GPC3: variants seen among roughly 807,000 people sequenced by gnomAD.
GPC3 encodes the protein glypican-3.
Under a neutral mutation model 34.4 loss-of-function variants are expected in GPC3, and 3 were observed. The observed-to-expected ratio is 0.09, with a 90% CI of 0.04 to 0.23. The LOEUF (loss-of-function observed/expected upper bound fraction) is 0.23. Ranked by LOEUF, GPC3 falls within the 10% of genes least tolerant of loss-of-function variation. The pLI is 1.00. For synonymous variants in GPC3, 177 were observed against 174.0 expected (o/e 1.02, Z -0.13); for missense variants, 351 against 445.6 (o/e 0.79, Z 1.91).
chrX:133,606,330 A>G lies in GPC3; in HGVS notation c.1414-9731T>C, dbSNP rs998758286. Among the ~76,000 whole-genome samples, 45 of 112,577 alleles carry G rather than the reference A, an allele frequency of 4.0e-4. 1 individual carries two copies. The highest frequency in any genetic ancestry group is 1.5e-3 in the African/African-American group (45 of 31,022). ...ATTCTTTTCCAAGAGGAGGCATAGC[A>G]TGGTGGTTAAAGGTTCATACTCTGG... On this transcript the variant is annotated intron_variant, in intron 6 of 7. Transcript: ENST00000370818.
At chrX:133,894,177 C>G (rs982748725) in intron 2 of GPC3, among the ~76,000 whole-genome samples, 1 of 111,770 alleles carries the variant, frequency 8.9e-6, no homozygotes, top group East Asian at 2.8e-4. Flanking sequence ...TTTTACAATG[C>G]AAGTTCATGT....
chrX:133,673,552 G>A (rs758606463), intron 5 of GPC3, among the ~76,000 whole-genome samples: 7 of 112,205 alleles, frequency 6.2e-5, no homozygotes, highest in Non-Finnish European at 9.4e-5. Context: ...GATTAAGTTC[G>A]GTTTGGCAGT....
At chrX:133,760,241 A>G (rs1296284177) in intron 2 of GPC3, among the ~76,000 whole-genome samples, 1 of 112,017 alleles carries the variant, frequency 8.9e-6, no homozygotes, top group African/African-American at 3.2e-5. Context: ...AGTTTCTTAC[A>G]AAAGTAAACA....
chrX:133,853,440 A>G (rs2075885039), intron 2 of GPC3, among the ~76,000 whole-genome samples: 1 of 111,967 alleles, frequency 8.9e-6, no homozygotes, highest in Non-Finnish European at 1.9e-5. Context: ...AGCCTTACTT[A>G]TGGCAAAACC....
intron 2 of GPC3, among the ~76,000 whole-genome samples, chrX:133,849,833 T>A (rs1224811548): frequency 9.0e-6 from 1 of 111,546 alleles, no homozygotes; most frequent in Non-Finnish European, 1.9e-5. Context: ...CTCCTTCCTA[T>A]CAGACAAGAA....
intron 1 of GPC3, among the ~76,000 whole-genome samples, chrX:133,958,334 A>G: frequency 9.0e-6 from 1 of 111,087 alleles, no homozygotes; most frequent in South Asian, 3.9e-4. Flanking sequence ...TGAGCCCAGG[A>G]GTTTGAGACC....
At chrX:133,889,655 T>C (rs2124588829) in intron 2 of GPC3, among the ~76,000 whole-genome samples, 1 of 108,891 alleles carries the variant, frequency 9.2e-6, no homozygotes. Context: ...ACACAATACA[T>C]ATATACTAAA....
At chrX:133,967,910 G>A (rs1458448901) in intron 1 of GPC3, among the ~76,000 whole-genome samples, 1 of 112,624 alleles carries the variant, frequency 8.9e-6, no homozygotes, top group Non-Finnish European at 1.9e-5. Flanking sequence ...TGGGTGGCAT[G>A]AGCCACCGTG....
intron 6 of GPC3, among the ~76,000 whole-genome samples, chrX:133,637,551 A>T (rs1378868159): frequency 1.8e-5 from 2 of 112,390 alleles, no homozygotes; most frequent in Non-Finnish European, 3.8e-5. Context: ...CTATAAAGTC[A>T]TTCATGGGGA....
At chrX:133,664,679 C>T (rs998170652) in intron 5 of GPC3, among the ~76,000 whole-genome samples, 1 of 111,068 alleles carries the variant, frequency 9.0e-6, no homozygotes, top group African/African-American at 3.3e-5. Flanking sequence ...GGGAAAGGAA[C>T]ACTTTTTGTA....
intron 2 of GPC3, among the ~76,000 whole-genome samples, chrX:133,847,573 G>A (rs1161632696): frequency 4.5e-5 from 5 of 112,115 alleles, no homozygotes; most frequent in Non-Finnish European, 7.5e-5. Context: ...CCAGCTCAGG[G>A]CTTTCAGATT....
At chrX:133,889,575 C>G (rs1013367485) in intron 2 of GPC3, among the ~76,000 whole-genome samples, 2 of 111,569 alleles carry the variant, frequency 1.8e-5, no homozygotes, top group African/African-American at 6.5e-5. Context: ...GTATACAATA[C>G]ATAATCCCAT....
chrX:133,796,427 TACAGTA>T (rs1490281424), intron 2 of GPC3, among the ~76,000 whole-genome samples: 1 of 112,396 alleles, frequency 8.9e-6, no homozygotes, highest in Admixed American at 9.4e-5. Flanking sequence ...AGACCCTGGC[TACAGTA>T]ACACTAAGAA....
intron 2 of GPC3, among the ~76,000 whole-genome samples, chrX:133,905,070 C>T (rs1362581395): frequency 8.9e-6 from 1 of 111,962 alleles, no homozygotes; most frequent in Non-Finnish European, 1.9e-5. Context: ...CAAGCACCAA[C>T]AGTTTACATG....
rs200913234 is a variant in GPC3, at chrX:133,889,764, A to AC, written c.337+63285dup. ...AAAAAAGAAGAAAATAACCACCCCC[A>AC]CCCCCCGACCATAATCTCACCATCT... On this transcript the variant is annotated intron_variant, in intron 2 of 7. Transcript: ENST00000370818. 9.4e-3 allele frequency among the ~76,000 whole-genome samples: 706 copies of AC among 74,840 alleles called. 13 individuals are homozygous for AC. Among genetic ancestry groups the AC allele is most frequent in the African/African-American group, 0.034 (679 of 19,844 alleles). The allele number at this position is 74,840 out of a possible 115,157, so 65.0% of individuals were successfully genotyped here. A position where few individuals can be genotyped will look rare whatever the true frequency, so the allele number is the denominator to read the frequency against.
At chrX:133,961,121 G>A in intron 1 of GPC3, among the ~76,000 whole-genome samples, 1 of 111,956 alleles carries the variant, frequency 8.9e-6, no homozygotes, top group Non-Finnish European at 1.9e-5. Context: ...GGTGGGGAAA[G>A]TGATGATTGC....
In GPC3 at chrX:133,964,385, C is replaced by A. The variant is rs749986512; in HGVS notation, c.176-11174G>T. 1.3e-4 allele frequency among the ~76,000 whole-genome samples: 15 copies of A among 111,739 alleles called. No individual in the cohort carries two copies. The East Asian group carries it at 4.2e-3, about 31-fold the overall frequency. ...GCACCACTGCCTTGATCCTACAGAT[C>A]CTGCAAAAAGGTTTTTCAGGTGCAT... is the stretch of plus-strand genomic sequence containing the variant. On this transcript the variant is annotated intron_variant, in intron 1 of 7. Transcript: ENST00000370818.
intron 7 of GPC3, among the ~76,000 whole-genome samples, chrX:133,538,469 C>A (rs1174592802): frequency 1.8e-5 from 2 of 111,542 alleles, no homozygotes; most frequent in Non-Finnish European, 3.8e-5. Context: ...GCCCCTTGCC[C>A]AACATCAAGA....
chrX:133,794,628 G>A (rs1040953929), intron 2 of GPC3, among the ~76,000 whole-genome samples: 2 of 111,133 alleles, frequency 1.8e-5, no homozygotes, highest in Non-Finnish European at 3.8e-5. Flanking sequence ...TGGGGAGGAA[G>A]AGAAAGACCA....
Sources: gnomAD v4.1 joint callset for allele counts (sites outside exome capture counted in the v4.1 genomes callset) on GRCh38, gnomAD v4.1.1 for gene constraint, MANE v1.5 for transcripts, NCBI Gene and HGNC (gene_info 2026-07-23, HGNC 2026-07-21) for gene names.